The following DAB1 variants were observed in gnomAD, a reference collection of about 807,000 sequenced individuals.
DAB1 encodes the protein DAB adaptor protein 1, also known as disabled homolog 1.
DAB1 carries 15 observed loss-of-function variants against 64.6 expected under a neutral mutation model. The observed-to-expected ratio is 0.23, with a 90% CI of 0.16 to 0.36. The LOEUF (loss-of-function observed/expected upper bound fraction) is 0.36, where lower values mean the gene tolerates loss of function less well. Among genes scored for constraint, DAB1 ranks in the 10% least tolerant of loss-of-function variants. DAB1 has a pLI of 1.00. For synonymous variants in DAB1, 235 were observed against 251.9 expected (o/e 0.93, Z 0.64); for missense variants, 596 against 706.7 (o/e 0.84, Z 1.78).
chr1:57,258,359 T>C (rs889606896), intron 2 of DAB1, among the ~76,000 whole-genome samples: 13 of 152,070 alleles, frequency 8.5e-5, no homozygotes, highest in Non-Finnish European at 1.8e-4. Context: ...AGTGTGAGCA[T>C]TTTTTTGCCT....
chr1:58,006,754 C>T (rs1203894966), intron 5 of DAB1, among the ~76,000 whole-genome samples: 1 of 152,112 alleles, frequency 6.6e-6, no homozygotes, highest in Non-Finnish European at 1.5e-5. Context: ...TGAATGATTC[C>T]CTCTCTCGCA....
At chr1:58,476,329 G>A (rs1557432425) in intron 3 of DAB1, among the ~76,000 whole-genome samples, 1 of 152,092 alleles carries the variant, frequency 6.6e-6, no homozygotes, top group African/African-American at 2.4e-5. Flanking sequence ...CTAAGACCTG[G>A]AAACAGAGCT....
chr1:57,569,223 C>T (rs1645163287), intron 7 of DAB1, among the ~76,000 whole-genome samples: 2 of 140,102 alleles, frequency 1.4e-5, no homozygotes, highest in South Asian at 4.8e-4. Flanking sequence ...TGCGCCACTG[C>T]ACTCCAGCCT....
At chr1:57,687,551 T>A (rs996917091) in intron 6 of DAB1, among the ~76,000 whole-genome samples, 1 of 113,888 alleles carries the variant, frequency 8.8e-6, no homozygotes, top group Non-Finnish European at 1.7e-5. Context: ...CTAAAACTCA[T>A]ATGTAACAAC....
intron 1 of DAB1, among the ~76,000 whole-genome samples, chr1:57,828,565 A>T (rs1291005142): frequency 6.6e-6 from 1 of 152,200 alleles, no homozygotes; most frequent in African/African-American, 2.4e-5. Context: ...CAAGTCAAGG[A>T]AAAAAATGAG....
chr1:57,442,566 A>G (rs772702206), intron 7 of DAB1, among the ~76,000 whole-genome samples: 34 of 152,162 alleles, frequency 2.2e-4, no homozygotes, highest in Non-Finnish European at 4.9e-4. Context: ...CTAATCATAA[A>G]ATTTCCTGTG....
At chr1:57,565,687 C>A (rs1353528175) in intron 7 of DAB1, among the ~76,000 whole-genome samples, 2 of 152,166 alleles carry the variant, frequency 1.3e-5, no homozygotes, top group East Asian at 3.8e-4. Context: ...AAGGCCATTA[C>A]ATAATGGTAA....
chr1:57,955,074 C>A (rs1336428283), intron 5 of DAB1, among the ~76,000 whole-genome samples: 1 of 152,210 alleles, frequency 6.6e-6, no homozygotes, highest in South Asian at 2.1e-4. Flanking sequence ...TATATCCACA[C>A]CTCTTTTTGC....
intron 7 of DAB1, among the ~76,000 whole-genome samples, chr1:57,586,495 C>A (rs200637154): frequency 3.0e-4 from 38 of 127,674 alleles, no homozygotes; most frequent in African/African-American, 9.5e-4. Context: ...CTCTCTCTCT[C>A]TATTTTTTTT....
At chr1:58,111,496 G>C (rs1435245724) in intron 5 of DAB1, among the ~76,000 whole-genome samples, 1 of 152,178 alleles carries the variant, frequency 6.6e-6, no homozygotes, top group Non-Finnish European at 1.5e-5. Context: ...GTATTGTCCA[G>C]ATTATTTTTT....
intron 3 of DAB1, among the ~76,000 whole-genome samples, chr1:58,378,138 G>A (rs201523275): frequency 1.1e-4 from 14 of 125,492 alleles, no homozygotes; most frequent in Admixed American, 1.6e-4. Flanking sequence ...TTCTCCCATA[G>A]CTCAGAGTAA....
intron 1 of DAB1, among the ~76,000 whole-genome samples, chr1:57,828,074 T>C (rs993006742): frequency 5.3e-5 from 8 of 152,056 alleles, no homozygotes; most frequent in African/African-American, 1.9e-4. Context: ...GCCTCCCGAG[T>C]ACCTGGGACT....
chr1:58,432,758 TGGAGGTA>T (rs1644893697), intron 3 of DAB1, among the ~76,000 whole-genome samples: 1 of 152,202 alleles, frequency 6.6e-6, no homozygotes, highest in African/African-American at 2.4e-5. Flanking sequence ...AGTGTTTTCC[TGGAGGTA>T]GGAGGAGTCT....
At chr1:57,620,943 C>G (rs1230700794) in intron 7 of DAB1, among the ~76,000 whole-genome samples, 1 of 152,160 alleles carries the variant, frequency 6.6e-6, no homozygotes, top group East Asian at 1.9e-4. Context: ...GGCCTACTTT[C>G]TCATGCCCAC....
chr1:58,331,301 G>A (rs997793284), intron 4 of DAB1, among the ~76,000 whole-genome samples: 1 of 152,188 alleles, frequency 6.6e-6, no homozygotes, highest in African/African-American at 2.4e-5. Context: ...AAAACTTTAA[G>A]GAATGAAGAA....
At chr1:57,032,309 T>A (rs959085172) in intron 9 of DAB1, among the ~76,000 whole-genome samples, 1 of 152,104 alleles carries the variant, frequency 6.6e-6, no homozygotes, top group Admixed American at 6.5e-5. Flanking sequence ...GCTACAGAGA[T>A]AGGTAAGGCA....
intron 3 of DAB1, among the ~76,000 whole-genome samples, chr1:58,451,920 C>CT (rs34824870): frequency 0.28 from 38,280 of 137,912 alleles, 5,514 homozygotes; most frequent in Middle Eastern, 0.37. Context: ...TTTTTCTTTC[C>CT]TTTTTTTTTT....
intron 7 of DAB1, among the ~76,000 whole-genome samples, chr1:57,470,717 T>C (rs1397732295): frequency 6.6e-6 from 1 of 152,208 alleles, no homozygotes; most frequent in East Asian, 1.9e-4. Flanking sequence ...GTGAAAACTA[T>C]TGAATAGCCA....
intron 3 of DAB1, among the ~76,000 whole-genome samples, chr1:58,445,226 G>A (rs1421711584): frequency 3.3e-5 from 5 of 152,228 alleles, no homozygotes; most frequent in Non-Finnish European, 7.3e-5. Flanking sequence ...AAATGTATAT[G>A]TAAACACATG....
Sources: allele counts gnomAD v4.1 joint callset (sites outside exome capture counted in the v4.1 genomes callset), GRCh38; gene constraint gnomAD v4.1.1; transcripts MANE v1.5; gene names NCBI Gene and HGNC (gene_info 2026-07-23, HGNC 2026-07-21).